The following RPTOR variants were observed in gnomAD, a reference collection of about 807,000 sequenced individuals.
RPTOR encodes the protein regulatory associated protein of MTOR complex 1.
RPTOR carries 21 observed loss-of-function variants against 169.9 expected under a neutral mutation model. The observed-to-expected ratio is 0.12, with a 90% CI of 0.09 to 0.18. The LOEUF (loss-of-function observed/expected upper bound fraction) is 0.18. Ranked by LOEUF, RPTOR falls within the 10% of genes least tolerant of loss-of-function variation. RPTOR has a pLI of 1.00. For missense variants in RPTOR, 1,133 were observed against 1,855.9 expected (o/e 0.61, Z 7.16); for synonymous variants, 732 against 753.2 (o/e 0.97, Z 0.46).
intron 1 of RPTOR, among the ~76,000 whole-genome samples, chr17:80,566,485 T>C (rs1183417642): frequency 1.3e-5 from 2 of 152,166 alleles, no homozygotes; most frequent in South Asian, 2.1e-4. Flanking sequence ...TATACACTTA[T>C]ACACAGGTAT....
chr17:80,662,194 C>T (rs1044527380), intron 3 of RPTOR, among the ~76,000 whole-genome samples: 1 of 152,176 alleles, frequency 6.6e-6, no homozygotes, highest in Admixed American at 6.5e-5. Context: ...GCCCCCTTTC[C>T]AGTCAGTTTC....
rs747458527 is a variant in RPTOR at position 80,922,728 on chromosome 17, C to G, written c.2525C>G (p.Thr842Ser). The G allele has an allele frequency of 6.3e-7, 1 of 1,586,010 alleles. No homozygotes were observed. The highest frequency in any genetic ancestry group is 1.1e-5 in the South Asian group (1 of 87,304). The change falls in exon 22 of 34, where the codon ACC (threonine) becomes AGC (serine). Residue 842 changes from threonine (T) to serine (S), a missense_variant. Physicochemically the swap from Thr to Ser is moderately conservative, Grantham distance 58 (BLOSUM62 1). Transcript: ENST00000306801. ...KVLNSIAYKATVNARPQRVLD... is the reference protein window; with the variant it reads ...KVLNSIAYKASVNARPQRVLD... ...CCCCCATTCCTTTGCCCCTAGGCCA[C>G]CGTGAACGCCCGGCCGCAGCGCGTC...
chr17:80,807,618 C>G (rs1371115671), intron 7 of RPTOR, among the ~76,000 whole-genome samples: 1 of 152,154 alleles, frequency 6.6e-6, no homozygotes, highest in Non-Finnish European at 1.5e-5. Context: ...TCCCAAAGGG[C>G]TGGGGTTACA....
intron 4 of RPTOR, among the ~76,000 whole-genome samples, chr17:80,714,024 C>T (rs1467327639): frequency 6.6e-6 from 1 of 151,942 alleles, no homozygotes; most frequent in African/African-American, 2.4e-5. Context: ...CTGCAACCTC[C>T]ACCTCCTGAG....
chr17:80,665,385 TTCC>T (rs2065759507), intron 3 of RPTOR, among the ~76,000 whole-genome samples: 1 of 5,654 alleles, frequency 1.8e-4, no homozygotes, highest in Non-Finnish European at 2.7e-4. Flanking sequence ...TTCCTTTCCT[TTCC>T]TTTCCTTTCC....
intron 1 of RPTOR, among the ~76,000 whole-genome samples, chr17:80,611,743 A>G (rs1599600787): frequency 7.2e-6 from 1 of 138,644 alleles, no homozygotes; most frequent in East Asian, 2.2e-4. Flanking sequence ...TTTCAATAAC[A>G]TCTTTTATAG....
intron 4 of RPTOR, among the ~76,000 whole-genome samples, chr17:80,717,764 T>G (rs954973894): frequency 6.6e-6 from 1 of 152,244 alleles, no homozygotes; most frequent in Non-Finnish European, 1.5e-5. Flanking sequence ...CTGTTGCTGG[T>G]TGTTTTCTCA....
intron 7 of RPTOR, among the ~76,000 whole-genome samples, chr17:80,799,391 T>C (rs1361289120): frequency 6.6e-6 from 1 of 152,244 alleles, no homozygotes; most frequent in African/African-American, 2.4e-5. Flanking sequence ...TCAGGGAGTC[T>C]GCAGTACCTG....
At chr17:80,564,187 C>A (rs921103961) in intron 1 of RPTOR, among the ~76,000 whole-genome samples, 1 of 152,014 alleles carries the variant, frequency 6.6e-6, no homozygotes, top group African/African-American at 2.4e-5. Flanking sequence ...CTCAGCCTCC[C>A]GAGTAGCTGG....
intron 6 of RPTOR, among the ~76,000 whole-genome samples, chr17:80,783,309 G>A (rs1241667493): frequency 6.6e-6 from 1 of 152,088 alleles, no homozygotes; most frequent in African/African-American, 2.4e-5. Flanking sequence ...TTTATTATAG[G>A]ACAGTTTTCA....
At chr17:80,892,201 G>A (rs2143869714) in intron 18 of RPTOR, among the ~76,000 whole-genome samples, 1 of 152,280 alleles carries the variant, frequency 6.6e-6, no homozygotes. Context: ...GGTGAGTCAT[G>A]TCAGGCGTGC....
chr17:80,773,785 G>A (rs1376164134), intron 6 of RPTOR: 3 of 985,336 alleles, frequency 3.0e-6, no homozygotes, highest in African/African-American at 3.5e-5. Flanking sequence ...TGTAGTCACT[G>A]TGGCGCTGCC....
At chr17:80,738,922 C>T (rs909544216) in intron 5 of RPTOR, among the ~76,000 whole-genome samples, 3 of 152,188 alleles carry the variant, frequency 2.0e-5, no homozygotes, top group Non-Finnish European at 4.4e-5. Flanking sequence ...TTCATGAAAA[C>T]GATACACTGT....
intron 6 of RPTOR, among the ~76,000 whole-genome samples, chr17:80,761,513 T>G (rs2066736508): frequency 6.6e-6 from 1 of 151,988 alleles, no homozygotes; most frequent in Non-Finnish European, 1.5e-5. Flanking sequence ...GCAGGTTGGG[T>G]GGAGGCTCAG....
At chr17:80,667,004 T>C (rs1443690757) in intron 3 of RPTOR, among the ~76,000 whole-genome samples, 1 of 152,224 alleles carries the variant, frequency 6.6e-6, no homozygotes, top group African/African-American at 2.4e-5. Flanking sequence ...GTGGCACTTG[T>C]TGAGTGCATT....
At chr17:80,924,674 G>A (rs1462845881) in intron 23 of RPTOR, among the ~76,000 whole-genome samples, 1 of 151,960 alleles carries the variant, frequency 6.6e-6, no homozygotes, top group African/African-American at 2.4e-5. Flanking sequence ...CCCGGGGTGG[G>A]GGGGATGCAC....
At chr17:80,613,664 C>T (rs543717745) in intron 1 of RPTOR, among the ~76,000 whole-genome samples, 2 of 148,496 alleles carry the variant, frequency 1.3e-5, no homozygotes, top group African/African-American at 2.6e-5. Flanking sequence ...CGGGCTGGGC[C>T]GCGTGTTGTG....
intron 26 of RPTOR, among the ~76,000 whole-genome samples, chr17:80,946,166 A>G (rs1356751093): frequency 6.6e-6 from 1 of 152,206 alleles, no homozygotes; most frequent in African/African-American, 2.4e-5. Context: ...CCCAGGAGAG[A>G]AGTGAGTTTA....
intron 12 of RPTOR, among the ~76,000 whole-genome samples, chr17:80,857,383 C>A (rs752839692): frequency 6.6e-6 from 1 of 150,702 alleles, no homozygotes; most frequent in Non-Finnish European, 1.5e-5. Context: ...GGTGGCCATG[C>A]CGTCACGGAG....
Sources: gnomAD v4.1 joint callset for allele counts (sites outside exome capture counted in the v4.1 genomes callset) on GRCh38, gnomAD v4.1.1 for gene constraint, MANE v1.5 for transcripts, NCBI Gene and HGNC (gene_info 2026-07-23, HGNC 2026-07-21) for gene names.